UROS: variants seen among roughly 807,000 people sequenced by gnomAD.
The protein encoded by UROS is uroporphyrinogen-III synthase.
UROS carries 18 observed loss-of-function variants against 33.0 expected under a neutral mutation model. The ratio of observed to expected loss-of-function variants is 0.55; its 90% confidence interval spans 0.38 to 0.81. The LOEUF is 0.81. Among genes scored for constraint, UROS ranks in the 30% least tolerant of loss-of-function variants. The pLI is 0.00. For missense variants in UROS, 293 were observed against 314.9 expected (o/e 0.93, Z 0.53); for synonymous variants, 114 against 121.1 (o/e 0.94, Z 0.38).
chr10:125,815,210 C>T, intron 3 of UROS, 80 bp from the exon 4 acceptor site: 7 of 1,490,054 alleles, frequency 4.7e-6, no homozygotes, highest in Non-Finnish European at 5.6e-6. Flanking sequence ...CTCAGAATTC[C>T]AAATGCTTCA....
intron 1 of UROS, among the ~76,000 whole-genome samples, chr10:125,816,980 C>T (rs186707655): frequency 7.9e-5 from 12 of 152,266 alleles, no homozygotes; most frequent in South Asian, 6.2e-4. Flanking sequence ...GTTTTCTAAA[C>T]GTCAAGTATC....
At chr10:125,818,135 T>C (rs1853516248) in intron 1 of UROS, among the ~76,000 whole-genome samples, 1 of 152,156 alleles carries the variant, frequency 6.6e-6, no homozygotes, top group African/African-American at 2.4e-5. Context: ...TGAAAGCATT[T>C]GTCTTCTTTT....
At chr10:125,785,219 T>C (rs1359875416), downstream of UROS, 2 of 152,222 alleles carry the variant, frequency 1.3e-5, no homozygotes, top group Admixed American at 6.5e-5. Context: ...CCCAATGTCA[T>C]CTCAGGGCCC....
intron 5 of UROS, among the ~76,000 whole-genome samples, chr10:125,810,306 T>C (rs1852691703): frequency 6.6e-6 from 1 of 152,140 alleles, no homozygotes; most frequent in Admixed American, 6.5e-5. Flanking sequence ...TCTCTTTTGC[T>C]CTCTCTTGGA....
chr10:125,822,546 C>T (rs373388596), intron 1 of UROS, among the ~76,000 whole-genome samples: 1 of 152,168 alleles, frequency 6.6e-6, no homozygotes, highest in African/African-American at 2.4e-5. Context: ...TGGTCTCGAA[C>T]TCCTGACCTC....
In UROS at chr10:125,796,110, G is replaced by A; in HGVS notation, c.554C>T (p.Ser185Phe). 1 of 1,614,166 alleles carries A rather than the reference G, an allele frequency of 6.2e-7. No homozygotes were observed. Among genetic ancestry groups the A allele is most frequent in the Non-Finnish European group, 8.5e-7 (1 of 1,180,032 alleles). ...CCCCCAAACGCCACGTACCTGCTGG[G>A]AATAGTAGCTGTTCAGGTTCCCTTG... ...GIQGNLNSYY[S>F]QQGVPASITF... is the part of the protein sequence containing the mutation. Residue 185 changes from serine to phenylalanine, a missense_variant, in exon 8 of 10, where the codon TCC becomes TTC. By Grantham distance (155) the Ser-to-Phe change is radical. Transcript: ENST00000368797.
chr10:125,821,371 T>C (rs1486141353), intron 1 of UROS, among the ~76,000 whole-genome samples: 1 of 152,224 alleles, frequency 6.6e-6, no homozygotes, highest in African/African-American at 2.4e-5. Flanking sequence ...TCATGCTGAA[T>C]GAAATAGTCA....
Position 125,798,130 on chromosome 10 carries a change from A to G in UROS, c.410T>C (p.Leu137Pro). 1.9e-6 allele frequency: 3 copies of G among 1,613,912 alleles called. No homozygotes were observed. Among genetic ancestry groups the G allele is most frequent in the Non-Finnish European group, 2.5e-6 (3 of 1,179,806 alleles). The change falls in exon 7 of 10, where the codon CTG (leucine) becomes CCG (proline). Residue 137 changes from leucine (L) to proline (P), a missense_variant. Coordinates refer to ENST00000368797, the MANE Select transcript of UROS (RefSeq NM_000375.3). Reference sequence around the variant, plus strand: ...GTTTCCACAGGGAAATAGAAGAGGCAGTGCTGAGGACTCCCCTGTGAATAA... The same window carrying G: ...GTTTCCACAGGGAAATAGAAGAGGCGGTGCTGAGGACTCCCCTGTGAATAA... ...EYICSRESSA[L>P]PLLFPCGNLK...
chr10:125,813,183 G>A (rs991641070), intron 4 of UROS, among the ~76,000 whole-genome samples: 2 of 152,168 alleles, frequency 1.3e-5, no homozygotes, highest in Non-Finnish European at 2.9e-5. Flanking sequence ...AGCACTGGGT[G>A]GAGTCAGAAA....
intron 5 of UROS, 119 bp downstream of exon 5, chr10:125,812,091 CTTAA>C (rs768149958): frequency 9.0e-5 from 76 of 844,214 alleles, no homozygotes; most frequent in South Asian, 7.9e-4. Context: ...GTATCGTATA[CTTAA>C]TTAATTTTTG....
At chr10:125,797,248 G>C (rs1178317460) in intron 7 of UROS, among the ~76,000 whole-genome samples, 1 of 152,176 alleles carries the variant, frequency 6.6e-6, no homozygotes, top group Non-Finnish European at 1.5e-5. Flanking sequence ...AACCCTGGGA[G>C]AGACAGTAAC....
At chr10:125,814,969 T>C (rs1853167678) in intron 4 of UROS, 65 bp downstream of exon 4, 1 of 1,560,124 alleles carries the variant, frequency 6.4e-7, no homozygotes, top group African/African-American at 1.4e-5. Flanking sequence ...TGGAATTTAG[T>C]CTCCCAGCAG....
chr10:125,806,300 G>A (rs1361109445), intron 6 of UROS, among the ~76,000 whole-genome samples: 1 of 152,006 alleles, frequency 6.6e-6, no homozygotes, highest in Non-Finnish European at 1.5e-5. Context: ...AAGCCATAAA[G>A]AGACCTATTT....
intron 6 of UROS, among the ~76,000 whole-genome samples, chr10:125,803,381 C>A (rs1220870007): frequency 2.0e-5 from 3 of 152,220 alleles, no homozygotes; most frequent in Admixed American, 2.0e-4. Context: ...AAGCTGCCTG[C>A]CAGCAAGCCC....
At chr10:125,795,640 T>A (rs539202402) in intron 8 of UROS, among the ~76,000 whole-genome samples, 2 of 152,150 alleles carry the variant, frequency 1.3e-5, no homozygotes, top group African/African-American at 4.8e-5. Context: ...CCCTCTCCAG[T>A]GTCTGCCCCT....
At chr10:125,795,042 G>T (rs78343679) in intron 8 of UROS, 64 bp from the exon 9 acceptor site, 2 of 1,484,562 alleles carry the variant, frequency 1.3e-6, no homozygotes, top group Non-Finnish European at 1.9e-6. Flanking sequence ...ACATTCCTCC[G>T]GCTTCATCCG....
At chr10:125,792,730 G>GC (rs1342453313) in intron 9 of UROS, 1 of 152,278 alleles carries the variant, frequency 6.6e-6, no homozygotes. Context: ...CAAACAGTGG[G>GC]CCCTACAGGG....
In UROS at chr10:125,819,019, C is replaced by G. The variant is rs138960801; in HGVS notation, c.-26-2494G>C. On this transcript the variant is annotated intron_variant, in intron 1 of 9. Coordinates refer to ENST00000368797, the MANE Select transcript of UROS (RefSeq NM_000375.3). The stretch of plus-strand genomic sequence containing the variant: ...TTGTTTTTTGAGATGCAGTCCTGCT[C>G]TGTCGCCCAGGCTGGAGTGCAGTGG... Among the ~76,000 whole-genome samples the G allele has an allele frequency of 9.9e-5, 15 of 152,284 alleles. 1 individual carries two copies. Among genetic ancestry groups the G allele is most frequent in the African/African-American group, 2.4e-4 (10 of 41,558 alleles).
downstream of UROS, among the ~76,000 whole-genome samples, chr10:125,787,195 G>C (rs1254176209): frequency 2.0e-5 from 3 of 152,234 alleles, no homozygotes; most frequent in African/African-American, 7.2e-5. Flanking sequence ...TAGACATTTA[G>C]TGAACCTTTG....
Sources: allele counts gnomAD v4.1 joint callset (sites outside exome capture counted in the v4.1 genomes callset), GRCh38; gene constraint gnomAD v4.1.1; transcripts MANE v1.5; gene names NCBI Gene and HGNC (gene_info 2026-07-23, HGNC 2026-07-21).